Variants in UNC45A observed in about 807,000 individuals in gnomAD.
UNC45A encodes protein unc-45 homolog A.
Under a neutral mutation model 103.2 loss-of-function variants are expected in UNC45A, and 78 were observed. The observed-to-expected ratio is 0.76, with a 90% CI of 0.63 to 0.91. The LOEUF is 0.91. UNC45A is among the 40% of genes least tolerant of loss of function. The pLI is 0.00. For missense variants in UNC45A, 1,193 were observed against 1,224.8 expected (o/e 0.97, Z 0.39); for synonymous variants, 495 against 504.6 (o/e 0.98, Z 0.25).
chr15:90,946,079 C>T (rs2036551782), intron 9 of UNC45A, among the ~76,000 whole-genome samples: 1 of 149,782 alleles, frequency 6.7e-6, no homozygotes, highest in Admixed American at 6.6e-5. Flanking sequence ...ATGGTGAAAC[C>T]CCATCTCTAC....
intron 4 of UNC45A, among the ~76,000 whole-genome samples, chr15:90,937,685 A>G: frequency 6.6e-6 from 1 of 152,040 alleles, no homozygotes; most frequent in East Asian, 1.9e-4. Flanking sequence ...ATGCGGTTTC[A>G]CTGTGTTGGC....
Position 90,953,536 on chromosome 15 carries a change from G to A in UNC45A, c.2655G>A (p.Val885=). 1.2e-6 allele frequency: 2 copies of A among 1,614,114 alleles called. No homozygotes were observed. Among genetic ancestry groups the A allele is most frequent in the Non-Finnish European group, 1.7e-6 (2 of 1,180,030 alleles). ...AGCTGCAGCACCGGGGTGCTGTGGT[G>A]GTGCTGAACATGGTGGAGGCCTCGA... ...NQELQHRGAV[V]VLNMVEASRE... is the part of the protein sequence containing the mutation. Residue 885 remains valine (V), a synonymous_variant, in exon 20 of 20, where the codon GTG becomes GTA. Coordinates refer to ENST00000418476, the MANE Select transcript of UNC45A (RefSeq NM_018671.5).
Position 90,935,298 on chromosome 15 carries a change from G to C in UNC45A, c.-27G>C. ...TCGCCCCGCCCCAGAGACTGCGCCT[G>C]CGCGGGCACGAGACAACCTCTCCGC... On this transcript the variant is annotated 5_prime_UTR_variant, in exon 1 of 20. Coordinates refer to ENST00000418476, the MANE Select transcript of UNC45A (RefSeq NM_018671.5). 6.3e-7 allele frequency: 1 copy of C among 1,592,522 alleles called. No individual in the cohort carries two copies. Among genetic ancestry groups the C allele is most frequent in the Non-Finnish European group, 8.5e-7 (1 of 1,172,354 alleles).
At position 90,944,969 on chromosome 15, in the gene UNC45A, A is replaced by G. The variant is rs776137396; in HGVS notation, c.1105A>G (p.Met369Val). The G allele has an allele frequency of 3.1e-6, 5 of 1,612,862 alleles. No homozygotes were observed. Among genetic ancestry groups the G allele is most frequent in the East Asian group, 4.5e-5 (2 of 44,880 alleles). ...GELAVTANSRMSASILLSKLF... is the reference protein window; with the variant it reads ...GELAVTANSRVSASILLSKLF... ...GCTCGCAGTGACCGCAAACAGCCGC[A>G]TGAGCGCCTCTATTCTCCTCAGCAA... Residue 369 changes from methionine to valine, a missense_variant, in exon 9 of 20, where the codon ATG becomes GTG. By Grantham distance (21) the Met-to-Val change is conservative. Transcript: ENST00000418476.
In UNC45A at chr15:90,935,572, A is replaced by G. The variant is rs764998817; in HGVS notation, c.80A>G (p.Glu27Gly). The G allele has an allele frequency of 6.2e-7, 1 of 1,610,992 alleles. No individual in the cohort carries two copies. The highest frequency in any genetic ancestry group is 1.1e-5 in the South Asian group (1 of 90,644). ...GASSVEQLRK[E>G]GNELFKCGDY... The stretch of plus-strand genomic sequence containing the variant: ...AGCTCAGTGGAGCAGCTGCGGAAGG[A>G]GGGCAATGAGCTGTTCAAATGTGGA... Residue 27 changes from glutamate (E) to glycine (G), a missense_variant, in exon 2 of 20, where the codon GAG becomes GGG. Transcript: ENST00000418476.
chr15:90,935,637 G>T lies in UNC45A; in HGVS notation c.145G>T (p.Gly49Cys). ...GALAAYTQAL[G>C]LDATPQDQAV... ...CCTGGCGGCCTACACTCAGGCCCTG[G>T]GTCTGGACGCGACGCCCCAGGACCA... Residue 49 changes from glycine to cysteine, a missense_variant, in exon 2 of 20, where the codon GGT becomes TGT. Physicochemically the swap from Gly to Cys is radical, Grantham distance 159. Coordinates refer to ENST00000418476, the MANE Select transcript of UNC45A (RefSeq NM_018671.5). The T allele has an allele frequency of 6.2e-7, 1 of 1,612,488 alleles. No homozygotes were observed. Among genetic ancestry groups the T allele is most frequent in the South Asian group, 1.1e-5 (1 of 90,878 alleles).
Position 90,949,307 on chromosome 15 carries a change from C to T in UNC45A, c.1879-9C>T, listed in dbSNP as rs765095791. On this transcript the variant is annotated splice_polypyrimidine_tract_variant and intron_variant, in intron 13 of 19. Coordinates refer to ENST00000418476, the MANE Select transcript of UNC45A (RefSeq NM_018671.5). Reference sequence around the variant, plus strand: ...CTAGGCCCCTCTCCTAAGCTGCCTCCTCCCCCAGGACAAGCCAAGCTTCGT... The same window carrying T: ...CTAGGCCCCTCTCCTAAGCTGCCTCTTCCCCCAGGACAAGCCAAGCTTCGT... The T allele has an allele frequency of 1.4e-5, 22 of 1,610,038 alleles. No individual in the cohort carries two copies. The Admixed American group carries it at 2.0e-4, about 15-fold the overall frequency.
chr15:90,942,979 TG>T lies in UNC45A; in HGVS notation c.926del (p.Gly309AlafsTer8). 6.2e-7 allele frequency: 1 copy of T among 1,614,174 alleles called. No individual in the cohort carries two copies. The highest frequency in any genetic ancestry group is 8.5e-7 in the Non-Finnish European group (1 of 1,180,002). On this transcript the variant is annotated frameshift_variant, in exon 8 of 20. Transcript: ENST00000418476. LOFTEE classifies it high-confidence loss of function. ...LDLLTEVGVSGQGRDNALTLL... is the reference protein window; with the variant it reads ...LDLLTEVGVSXQGRDNALTLL... Reference sequence around the variant, plus strand: ...ATCTGCTGACAGAGGTGGGGGTCTCTGGCCAAGGCCGAGACAATGCCCTGAC... The same window carrying T: ...ATCTGCTGACAGAGGTGGGGGTCTCTGCCAAGGCCGAGACAATGCCCTGAC...
chr15:90,937,875 C>T (rs1036944637), intron 4 of UNC45A, among the ~76,000 whole-genome samples: 2 of 152,060 alleles, frequency 1.3e-5, no homozygotes, highest in Non-Finnish European at 2.9e-5. Context: ...TGCTGGAGTA[C>T]AACCTCTTCC....
In UNC45A at chr15:90,940,440, G is replaced by A. The variant is rs766056003; in HGVS notation, c.654G>A (p.Thr218=). ...ETDLMLAALR[T]LVGICSEHQS... ...ACCTCATGCTGGCGGCTCTGCGTAC[G>A]CTGGTTGGCATTTGCTCTGAGCATC... Residue 218 remains threonine (T), a synonymous_variant, in exon 6 of 20, where the codon ACG becomes ACA. Coordinates refer to ENST00000418476, the MANE Select transcript of UNC45A (RefSeq NM_018671.5). The A allele has an allele frequency of 3.1e-6, 5 of 1,613,798 alleles. No homozygotes were observed. Among genetic ancestry groups the A allele is most frequent in the East Asian group, 2.2e-5 (1 of 44,888 alleles).
chr15:90,952,722 G>A (rs1596245169), intron 17 of UNC45A: 3 of 568,170 alleles, frequency 5.3e-6, no homozygotes, highest in East Asian at 5.9e-5. Context: ...TCCACGCCCG[G>A]CCGAGATGCC....
At chr15:90,931,691 T>C (rs768857344), upstream of UNC45A, 1 of 1,614,026 alleles carries the variant, frequency 6.2e-7, no homozygotes, top group East Asian at 2.2e-5. Context: ...TTACAGCCCA[T>C]ACGAAAGCGT....
chr15:90,942,639 T>C lies in UNC45A; in HGVS notation c.856+34T>C, dbSNP rs370142141. The C allele has an allele frequency of 1.3e-5, 21 of 1,613,720 alleles. No homozygotes were observed. In the African/African-American group the frequency reaches 2.1e-4, roughly 16 times the overall value. Reference sequence around the variant, plus strand: ...AAGCAGGTCTGGGGTCTTTTGGACGTTACTGTCATGGAAGGGATGGGGCTG... The same window carrying C: ...AAGCAGGTCTGGGGTCTTTTGGACGCTACTGTCATGGAAGGGATGGGGCTG... On this transcript the variant is annotated intron_variant, in intron 7 of 19. Coordinates refer to ENST00000418476, the MANE Select transcript of UNC45A (RefSeq NM_018671.5).
chr15:90,935,588 C>T lies in UNC45A; in HGVS notation c.96C>T (p.Phe32=). 1 of 1,613,208 alleles carries T rather than the reference C, an allele frequency of 6.2e-7. No homozygotes were observed. Among genetic ancestry groups the T allele is most frequent in the Non-Finnish European group, 8.5e-7 (1 of 1,179,628 alleles). The change falls in exon 2 of 20, where the codon TTC becomes TTT. Residue 32 remains phenylalanine (F), a synonymous_variant. Coordinates refer to ENST00000418476, the MANE Select transcript of UNC45A (RefSeq NM_018671.5). ...TGCGGAAGGAGGGCAATGAGCTGTT[C>T]AAATGTGGAGACTACGGGGGCGCCC... The part of the protein sequence containing the change: ...EQLRKEGNEL[F]KCGDYGGALA...
upstream of UNC45A, chr15:90,932,484 G>A: frequency 1.5e-6 from 2 of 1,310,758 alleles, no homozygotes; most frequent in South Asian, 2.3e-5. Context: ...GCTGCTGCCG[G>A]TGCTTGCGAG....
rs1260315854 is a variant in UNC45A at position 90,942,417 on chromosome 15, G to C, written c.688-20G>C. ...CTTCAACAACTGGAAGCTTCCTTCT[G>C]TTTACCTCTCCCACCCCAGACAGTG... On this transcript the variant is annotated intron_variant, in intron 6 of 19. Transcript: ENST00000418476. 1 of 1,588,488 alleles carries C rather than the reference G, an allele frequency of 6.3e-7. No individual in the cohort carries two copies. Among genetic ancestry groups the C allele is most frequent in the East Asian group, 2.2e-5 (1 of 44,532 alleles).
rs925424539 is a variant in UNC45A at position 90,941,657 on chromosome 15, G to A, written c.688-780G>A. 1.2e-4 allele frequency among the ~76,000 whole-genome samples: 18 copies of A among 152,208 alleles called. No homozygotes were observed. The Middle Eastern group carries it at 0.01, about 86-fold the overall frequency. ...CAAGCAGGCCTTCTAGGGTTCTCCA[G>A]CTTAGAAACAGGGTGGAGAGGGCCC... On this transcript the variant is annotated intron_variant, in intron 6 of 19. Transcript: ENST00000418476.
chr15:90,946,899 C>T lies in UNC45A; in HGVS notation c.1485C>T (p.Arg495=). The change falls in exon 10 of 20, where the codon CGC becomes CGT. Residue 495 remains arginine, a synonymous_variant. Coordinates refer to ENST00000418476, the MANE Select transcript of UNC45A (RefSeq NM_018671.5). Reference sequence around the variant, plus strand: ...AGTGCAGCGAGAAGGACAGCATCCGCATCCGGGCGCTAGTGGTGAGACGGT... The same window carrying T: ...AGTGCAGCGAGAAGGACAGCATCCGTATCCGGGCGCTAGTGGTGAGACGGT... ...LYKCSEKDSI[R]IRALVGLCKL... is the part of the protein sequence containing the mutation. 1 of 1,428,818 alleles carries T rather than the reference C, an allele frequency of 7.0e-7. No homozygotes were observed. The highest frequency in any genetic ancestry group is 9.5e-7 in the Non-Finnish European group (1 of 1,050,122). The allele number at this position is 1,428,818 out of a possible 1,614,324, so 88.5% of individuals were successfully genotyped here. A position where few individuals can be genotyped will look rare whatever the true frequency, so the allele number is the denominator to read the frequency against.
rs149252759 is a variant in UNC45A, at chr15:90,952,680, C to A, written c.2304-249C>A. On this transcript the variant is annotated intron_variant, in intron 17 of 19. Coordinates refer to ENST00000418476, the MANE Select transcript of UNC45A (RefSeq NM_018671.5). ...CCTCAAGTCATCTGCCTGCCTCGGC[C>A]TTCCAGAGTGCTGGGATTACAGGCG... The A allele has an allele frequency of 2.9e-3, 1,386 of 474,884 alleles. 6 individuals carry two copies. The highest frequency in any genetic ancestry group is 0.013 in the African/African-American group (692 of 51,580). 29.4% of individuals were successfully genotyped at this position (474,884 alleles called of 1,614,324 possible).
Sources: allele counts gnomAD v4.1 joint callset (sites outside exome capture counted in the v4.1 genomes callset), GRCh38; gene constraint gnomAD v4.1.1; transcripts MANE v1.5; gene names NCBI Gene and HGNC (gene_info 2026-07-23, HGNC 2026-07-21).